Variants in EYA3 observed in about 807,000 individuals in gnomAD.
EYA3 encodes EYA transcriptional coactivator and phosphatase 3.
Under a neutral mutation model 80.0 loss-of-function variants are expected in EYA3, and 39 were observed. The ratio of observed to expected loss-of-function variants is 0.49; its 90% CI spans 0.38 to 0.64. The LOEUF is 0.64. Ranked by LOEUF, EYA3 falls within the 30% of genes least tolerant of loss-of-function variation. The pLI is 0.00. For missense variants in EYA3, 523 were observed against 676.1 expected (o/e 0.77, Z 2.51); for synonymous variants, 206 against 232.8 (o/e 0.88, Z 1.05).
intron 1 of EYA3, among the ~76,000 whole-genome samples, chr1:28,072,391 T>C (rs1645047190): frequency 6.6e-6 from 1 of 152,184 alleles, no homozygotes; most frequent in South Asian, 2.1e-4. Flanking sequence ...TCCAAAAGTT[T>C]GGGACTGTTG....
At chr1:27,991,620 T>C (rs1640069798) in intron 14 of EYA3, among the ~76,000 whole-genome samples, 1 of 152,210 alleles carries the variant, frequency 6.6e-6, no homozygotes, top group Admixed American at 6.5e-5. Flanking sequence ...TGTTTTCAGA[T>C]TGATGGTTCC....
intron 3 of EYA3, among the ~76,000 whole-genome samples, chr1:28,043,922 T>C (rs1160292458): frequency 1.3e-5 from 2 of 152,230 alleles, no homozygotes; most frequent in Non-Finnish European, 2.9e-5. Context: ...AGATTCATTC[T>C]ACTATATTTC....
At chr1:28,064,255 C>T (rs939769911) in intron 1 of EYA3, among the ~76,000 whole-genome samples, 3 of 151,824 alleles carry the variant, frequency 2.0e-5, no homozygotes, top group South Asian at 4.1e-4. Flanking sequence ...TGTGCATACA[C>T]GTATATAAAA....
intron 5 of EYA3, among the ~76,000 whole-genome samples, chr1:28,038,450 A>C (rs934361278): frequency 2.7e-5 from 4 of 150,714 alleles, no homozygotes; most frequent in Non-Finnish European, 5.9e-5. Context: ...AAAAAAAAAA[A>C]AAAAAAAAAA....
At chr1:27,987,423 T>C (rs762066582) in intron 16 of EYA3, among the ~76,000 whole-genome samples, 8 of 152,192 alleles carry the variant, frequency 5.3e-5, no homozygotes, top group Non-Finnish European at 1.0e-4. Context: ...GCTATAAACA[T>C]GAGTGTGCAG....
chr1:28,002,894 G>C (rs1014242077), intron 11 of EYA3, among the ~76,000 whole-genome samples: 1 of 151,900 alleles, frequency 6.6e-6, no homozygotes, highest in African/African-American at 2.4e-5. Flanking sequence ...ACCGAGGCAG[G>C]CGGATCACTT....
intron 5 of EYA3, 108 bp from the exon 6 acceptor site, chr1:28,035,788 T>A: frequency 9.6e-7 from 1 of 1,046,354 alleles, no homozygotes; most frequent in Non-Finnish European, 1.4e-6. Context: ...ACAAGGAGAC[T>A]AATCTTCCAC....
chr1:27,991,833 C>T (rs1192754944), intron 14 of EYA3, among the ~76,000 whole-genome samples: 2 of 152,076 alleles, frequency 1.3e-5, no homozygotes, highest in Non-Finnish European at 2.9e-5. Flanking sequence ...AGGGTTACAT[C>T]GCTTTGTTCA....
chr1:27,988,472 G>C, intron 16 of EYA3, 63 bp downstream of exon 16: 1 of 1,577,956 alleles, frequency 6.3e-7, no homozygotes, highest in Non-Finnish European at 8.6e-7. Context: ...AAAATAATAG[G>C]TGCATCATGA....
At chr1:27,989,612 C>G (rs760079075) in intron 15 of EYA3, 85 bp downstream of exon 15, 1 of 834,536 alleles carries the variant, frequency 1.2e-6, no homozygotes, top group Non-Finnish European at 1.9e-6. Context: ...TATCCCAAAC[C>G]CTATTTTAGA....
rs1642130847 is a variant in EYA3, at chr1:28,017,216, T to G, written c.523A>C (p.Ile175Leu). 6.2e-7 allele frequency: 1 copy of G among 1,613,760 alleles called. No homozygotes were observed. The highest frequency in any genetic ancestry group is 1.7e-5 in the Admixed American group (1 of 59,976). The change falls in exon 8 of 18, where the codon ATA (isoleucine) becomes CTA (leucine). Residue 175 changes from isoleucine to leucine, a missense_variant. Ile to Leu is a conservative substitution (Grantham distance 5, BLOSUM62 2). This residue lies in a region of EYA3 where 304 missense variants were observed against 343.3 expected (regional missense o/e 0.89). Transcript: ENST00000373871. ...IQASSTNASL[I>L]STSSTIANIP... is the part of the protein sequence containing the mutation. ...TTGGCAATTGTAGAAGAAGTAGATA[T>G]CAGGCTGGCATTTGTGCTTGAAGCT...
rs374369097 is a variant in EYA3, at chr1:27,999,906, T to C, written c.1083+54A>G. ...TAATATAATAAGCAAAAGCTCTAAA[T>C]AGTTATTGAATGAAGTGTCTCAGTG... On this transcript the variant is annotated intron_variant, in intron 12 of 17. Coordinates refer to ENST00000373871, the MANE Select transcript of EYA3 (RefSeq NM_001990.4). 98 of 1,305,618 alleles carry C rather than the reference T, an allele frequency of 7.5e-5. No individual in the cohort carries two copies. In the African/African-American group the frequency reaches 1.1e-3, roughly 14 times the overall value. 80.9% of individuals were successfully genotyped at this position (1,305,618 alleles called of 1,614,324 possible). A position where few individuals can be genotyped will look rare whatever the true frequency, so the allele number is the denominator to read the frequency against.
At position 27,972,225 on chromosome 1, in the gene EYA3, T is replaced by A. The variant is rs1638761135; in HGVS notation, c.*2241A>T. 1 of 152,134 alleles carries A rather than the reference T, an allele frequency of 6.6e-6. No homozygotes were observed. 9.4% of individuals were successfully genotyped at this position (152,134 alleles called of 1,614,324 possible). A position where few individuals can be genotyped will look rare whatever the true frequency, so the allele number is the denominator to read the frequency against. On this transcript the variant is annotated 3_prime_UTR_variant, in exon 18 of 18. Transcript: ENST00000373871. ...CAGCTATACTGCATAGGGGGAGGGTTTGAGGCCTCAGAGTAAAACCTAGAG... is the reference window on the plus strand; with the variant it reads ...CAGCTATACTGCATAGGGGGAGGGTATGAGGCCTCAGAGTAAAACCTAGAG...
At chr1:28,084,556 A>ATATATAT (rs1645543986) in intron 1 of EYA3, among the ~76,000 whole-genome samples, 5 of 32,726 alleles carry the variant, frequency 1.5e-4, no homozygotes, top group Non-Finnish European at 1.6e-4. Flanking sequence ...ACTATTCCAA[A>ATATATAT]ATATATATAT....
At chr1:28,037,642 A>G (rs893001557) in intron 5 of EYA3, among the ~76,000 whole-genome samples, 5 of 152,242 alleles carry the variant, frequency 3.3e-5, no homozygotes, top group African/African-American at 1.2e-4. Context: ...GAATAGGTTC[A>G]GTTATTTCAC....
At chr1:28,017,463 C>A (rs1024738903) in intron 7 of EYA3, among the ~76,000 whole-genome samples, 6 of 152,016 alleles carry the variant, frequency 3.9e-5, no homozygotes, top group African/African-American at 1.4e-4. Flanking sequence ...GTCTTCAATT[C>A]TTCTTATTAA....
chr1:28,079,673 A>G (rs1202953109), intron 1 of EYA3, among the ~76,000 whole-genome samples: 2 of 152,216 alleles, frequency 1.3e-5, no homozygotes, highest in Non-Finnish European at 2.9e-5. Flanking sequence ...GATGACAGTA[A>G]TGGTAATCAG....
chr1:28,013,052 A>G lies in EYA3; in HGVS notation c.769+59T>C. On this transcript the variant is annotated intron_variant, in intron 9 of 17. Coordinates refer to ENST00000373871, the MANE Select transcript of EYA3 (RefSeq NM_001990.4). The surrounding 1 kb of genome is among the most constrained non-coding windows in gnomAD (Gnocchi z 4.0). ...AACAAAATCATCCTTACCATTGCCT[A>G]AAAACAACTGTTGGATGAAGTGACC... 1.3e-6 allele frequency: 2 copies of G among 1,535,722 alleles called. No individual in the cohort carries two copies. Among genetic ancestry groups the G allele is most frequent in the South Asian group, 1.2e-5 (1 of 81,756 alleles).
chr1:28,051,259 TGA>T (rs1557618960), intron 2 of EYA3, among the ~76,000 whole-genome samples: 12 of 151,908 alleles, frequency 7.9e-5, no homozygotes, highest in South Asian at 2.1e-4. Flanking sequence ...CCACTAGAAC[TGA>T]TAAACAAGTT....
Sources: allele counts gnomAD v4.1 joint callset (sites outside exome capture counted in the v4.1 genomes callset), GRCh38; gene constraint gnomAD v4.1.1; regional missense constraint gnomAD v4.1.1; non-coding constraint Gnocchi (gnomAD v3.1); transcripts MANE v1.5; gene names NCBI Gene and HGNC (gene_info 2026-07-23, HGNC 2026-07-21).